LZTFL1: variants seen among roughly 807,000 people sequenced by gnomAD.
LZTFL1 encodes leucine zipper transcription factor-like protein 1.
LZTFL1 carries 25 observed loss-of-function variants against 45.9 expected under a neutral mutation model. That is an observed-to-expected ratio of 0.54 (90% CI 0.40 to 0.76). LZTFL1 has a LOEUF of 0.76. LZTFL1 is among the 30% of genes least tolerant of loss of function. The probability of loss-of-function intolerance (pLI) is 0.00; values close to 1 mark genes in which losing one functional copy is unlikely to be tolerated. For synonymous variants in LZTFL1, 93 were observed against 117.4 expected, an observed-to-expected ratio of 0.79 and a Z score of 1.35; for missense variants, 277 against 331.1, an observed-to-expected ratio of 0.84 and a Z score of 1.27.
At chr3:45,910,641 G>A (rs1702777701) in intron 2 of LZTFL1, among the ~76,000 whole-genome samples, 1 of 152,156 alleles carries the variant, frequency 6.6e-6, no homozygotes, top group South Asian at 2.1e-4. Context: ...TGTCAGGTTT[G>A]CTATGATAAA....
At chr3:45,857,561 T>C (rs1484016789) in intron 3 of LZTFL1, among the ~76,000 whole-genome samples, 1 of 152,238 alleles carries the variant, frequency 6.6e-6, no homozygotes, top group Non-Finnish European at 1.5e-5. Context: ...TCCTCACACC[T>C]GACTTTTCGG....
At chr3:45,907,108 G>T (rs747957135) in intron 2 of LZTFL1, among the ~76,000 whole-genome samples, 1 of 152,048 alleles carries the variant, frequency 6.6e-6, no homozygotes, top group Non-Finnish European at 1.5e-5. Flanking sequence ...CCGGTGGTCT[G>T]CAGGGCTGGC....
At chr3:45,882,696 C>T (rs1209081811) in intron 2 of LZTFL1, among the ~76,000 whole-genome samples, 2 of 152,134 alleles carry the variant, frequency 1.3e-5, no homozygotes, top group Non-Finnish European at 2.9e-5. Flanking sequence ...TTCTCTGTTA[C>T]AGGTATCAGC....
intron 2 of LZTFL1, among the ~76,000 whole-genome samples, chr3:45,909,764 AG>A (rs1427208961): frequency 3.9e-5 from 6 of 152,226 alleles, no homozygotes; most frequent in Admixed American, 2.0e-4. Context: ...GCACTTTCTC[AG>A]GGGGGTAATC....
chr3:45,885,947 C>T lies in LZTFL1; in HGVS notation c.-214-26931G>A, dbSNP rs560944174. Among the ~76,000 whole-genome samples the T allele has an allele frequency of 3.9e-5, 6 of 152,296 alleles. No individual in the cohort carries two copies. The South Asian group carries it at 8.3e-4, about 21-fold the overall frequency. ...TCCAGGCTGTTCTTGAACTCCTAGG[C>T]TCTGCCTAGTGATCTGCCCGCCTCA... On this transcript the variant is annotated intron_variant, in intron 2 of 4. Transcript: ENST00000472635.
At chr3:45,884,407 C>A (rs1701926608) in intron 2 of LZTFL1, among the ~76,000 whole-genome samples, 1 of 152,162 alleles carries the variant, frequency 6.6e-6, no homozygotes, top group African/African-American at 2.4e-5. Flanking sequence ...TTCTCCCCAG[C>A]CTCATGATCC....
chr3:45,853,280 T>A (rs1358556869), intron 4 of LZTFL1, among the ~76,000 whole-genome samples: 1 of 152,216 alleles, frequency 6.6e-6, no homozygotes, highest in Admixed American at 6.5e-5. Context: ...AGTCACCATA[T>A]ATTTTTTGAG....
intron 2 of LZTFL1, among the ~76,000 whole-genome samples, chr3:45,836,368 C>T (rs1019982546): frequency 6.6e-6 from 1 of 152,062 alleles, no homozygotes; most frequent in African/African-American, 2.4e-5. Context: ...GAAATCTACT[C>T]TCAGGGCCAG....
At position 45,841,364 on chromosome 3, in the gene LZTFL1, G is replaced by A. The variant is rs1701107103; in HGVS notation, c.3+625C>T. 2.0e-5 allele frequency among the ~76,000 whole-genome samples: 3 copies of A among 152,344 alleles called. No individual in the cohort carries two copies. The South Asian group carries it at 6.2e-4, about 32-fold the overall frequency. On this transcript the variant is annotated intron_variant, in intron 1 of 9. Coordinates refer to ENST00000296135, the MANE Select transcript of LZTFL1 (RefSeq NM_020347.4). Reference sequence around the variant, plus strand: ...AAGATGGCATGCTATATTCGCTGGAGGGATTAATGATATTTTTTGAGCAAG... The same window carrying A: ...AAGATGGCATGCTATATTCGCTGGAAGGATTAATGATATTTTTTGAGCAAG...
Position 45,901,538 on chromosome 3 carries a change from C to T in LZTFL1, c.-215+11582G>A, listed in dbSNP as rs372342915. 2 of 1,614,216 alleles carry T rather than the reference C, an allele frequency of 1.2e-6. No homozygotes were observed. Among genetic ancestry groups the T allele is most frequent in the Admixed American group, 1.7e-5 (1 of 60,032 alleles). On this transcript the variant is annotated intron_variant, in intron 2 of 4. Coordinates refer to the LZTFL1 transcript ENST00000472635. This position sits in a 1 kb window ranked among gnomAD's most constrained non-coding sequence, Gnocchi z 4.3. ...TACAAGCCAAGAAGTCTTCCAAGCA[C>T]AAAGCCCTAAAAGTGACCATCACTG...
upstream of LZTFL1, among the ~76,000 whole-genome samples, chr3:45,843,738 G>A (rs140322309): frequency 7.4e-4 from 113 of 152,350 alleles, 1 homozygote; most frequent in African/African-American, 2.6e-3. Flanking sequence ...ACAGAGTTGA[G>A]TGTTGTTACA....
At chr3:45,862,279 G>C (rs994597827) in intron 2 of LZTFL1, among the ~76,000 whole-genome samples, 1 of 152,196 alleles carries the variant, frequency 6.6e-6, no homozygotes, top group Non-Finnish European at 1.5e-5. Context: ...GTACCAGCCA[G>C]GAACAGGCGG....
At position 45,835,787 on chromosome 3, in the gene LZTFL1, GA is replaced by G. The variant is rs1468255436; in HGVS notation, c.129-4del. ...TGGTGAAGGTGTCCTCCACCAGCCT[GA>G]AAAACAACCATGATCCAAAACTTAT... is the stretch of plus-strand genomic sequence containing the variant. On this transcript the variant is annotated splice_polypyrimidine_tract_variant and splice_region_variant and intron_variant, in intron 2 of 9. Transcript: ENST00000296135. The G allele has an allele frequency of 2.5e-6, 4 of 1,583,196 alleles. No individual in the cohort carries two copies. Among genetic ancestry groups the G allele is most frequent in the Non-Finnish European group, 3.4e-6 (4 of 1,160,894 alleles).
Position 45,901,822 on chromosome 3 carries a change from C to T in LZTFL1, c.-215+11298G>A, listed in dbSNP as rs779981086. 4 of 1,613,932 alleles carry T rather than the reference C, an allele frequency of 2.5e-6. No individual in the cohort carries two copies. The Admixed American group carries it at 6.7e-5, about 27-fold the overall frequency. On this transcript the variant is annotated intron_variant, in intron 2 of 4. Coordinates refer to the LZTFL1 transcript ENST00000472635. This position sits in a 1 kb window ranked among gnomAD's most constrained non-coding sequence, Gnocchi z 4.3. Reference sequence around the variant, plus strand: ...TGCATCAGCCAGGCCCAGTGGGTTTCATTTACAAGGAGAGAGGGAAGCTTG... The same window carrying T: ...TGCATCAGCCAGGCCCAGTGGGTTTTATTTACAAGGAGAGAGGGAAGCTTG...
At position 45,825,691 on chromosome 3, in the gene LZTFL1, T is replaced by A. The variant is rs962762935; in HGVS notation, c.*623A>T. 1.3e-5 allele frequency: 2 copies of A among 152,100 alleles called. No individual in the cohort carries two copies. The highest frequency in any genetic ancestry group is 4.8e-5 in the African/African-American group (2 of 41,434). The allele number at this position is 152,100 out of a possible 1,614,324, so 9.4% of individuals were successfully genotyped here. On this transcript the variant is annotated 3_prime_UTR_variant, in exon 10 of 10. Transcript: ENST00000296135. The stretch of plus-strand genomic sequence containing the variant: ...ATGCTGAACCTCCTCTGATAAATGA[T>A]CTTTAAGATGGAGAGACTGAGGAAG...
At chr3:45,827,493 AAAAT>A in intron 8 of LZTFL1, 34 bp from the exon 9 acceptor site, 2 of 1,325,120 alleles carry the variant, frequency 1.5e-6, no homozygotes, top group Non-Finnish European at 2.2e-6. Flanking sequence ...CATTACTAAA[AAAAT>A]AGTTAAGGAA....
intron 3 of LZTFL1, chr3:45,835,072 A>T (rs1335626608): frequency 6.6e-6 from 1 of 152,586 alleles, no homozygotes; most frequent in Non-Finnish European, 1.5e-5. Flanking sequence ...AACTTCACCA[A>T]TTTTACCATA....
intron 9 of LZTFL1, 80 bp from the exon 10 acceptor site, chr3:45,826,412 G>T: frequency 8.9e-7 from 1 of 1,126,826 alleles, no homozygotes; most frequent in Non-Finnish European, 1.3e-6. Flanking sequence ...TGAAGCAGTG[G>T]CACTATATTT....
upstream of LZTFL1, among the ~76,000 whole-genome samples, chr3:45,844,431 G>A (rs183779982): frequency 4.0e-5 from 6 of 151,496 alleles, no homozygotes; most frequent in African/African-American, 1.5e-4. Flanking sequence ...AGTAGAAAGA[G>A]GAAATGAAGA....
Sources: gnomAD v4.1 joint callset for allele counts (sites outside exome capture counted in the v4.1 genomes callset) on GRCh38, gnomAD v4.1.1 for gene constraint, Gnocchi (gnomAD v3.1) non-coding constraint, MANE v1.5 for transcripts, NCBI Gene and HGNC (gene_info 2026-07-23, HGNC 2026-07-21) for gene names.